Variants in TFEC observed in about 807,000 individuals in gnomAD.
TFEC encodes transcription factor EC.
TFEC carries 31 observed loss-of-function variants against 41.6 expected under a neutral mutation model. The ratio of observed to expected loss-of-function variants is 0.74; its 90% CI spans 0.56 to 1.01. The LOEUF (loss-of-function observed/expected upper bound fraction) is 1.01, where lower values mean the gene tolerates loss of function less well. Ranked by LOEUF, TFEC falls within the 50% of genes least tolerant of loss-of-function variation. The pLI, the probability that TFEC is intolerant of heterozygous loss-of-function variation, is 0.00. For synonymous variants in TFEC, 143 were observed against 140.6 expected, an observed-to-expected ratio of 1.02 and a Z score of -0.12; for missense variants, 402 against 404.1, an observed-to-expected ratio of 0.99 and a Z score of 0.04.
At chr7:115,962,008 CATTT>C (rs1367455339) in intron 3 of TFEC, among the ~76,000 whole-genome samples, 6 of 151,720 alleles carry the variant, frequency 4.0e-5, no homozygotes, top group Non-Finnish European at 8.9e-5. Context: ...TAGCTGAACT[CATTT>C]ATTAGCTCAA....
intron 3 of TFEC, among the ~76,000 whole-genome samples, chr7:116,105,282 T>G (rs1797692100): frequency 6.6e-6 from 1 of 152,198 alleles, no homozygotes. Context: ...GTAGAGAGTT[T>G]GCAAAAGGAC....
intron 3 of TFEC, among the ~76,000 whole-genome samples, chr7:116,064,566 A>G (rs1796648836): frequency 6.6e-6 from 1 of 152,034 alleles, no homozygotes; most frequent in African/African-American, 2.4e-5. Context: ...GGCAAGGGGA[A>G]GGACAGCATT....
intron 1 of TFEC, among the ~76,000 whole-genome samples, chr7:116,004,063 G>C (rs1405041294): frequency 6.6e-6 from 1 of 151,668 alleles, no homozygotes; most frequent in Non-Finnish European, 1.5e-5. Flanking sequence ...TTCCAACTTA[G>C]GAAACAAGAA....
At chr7:116,058,605 A>T (rs1006162570) in intron 3 of TFEC, among the ~76,000 whole-genome samples, 1 of 151,816 alleles carries the variant, frequency 6.6e-6, no homozygotes, top group African/African-American at 2.4e-5. Flanking sequence ...TTTCATGTGC[A>T]CATGGGAAAT....
chr7:115,941,869 T>G, intron 7 of TFEC, 24 bp downstream of exon 7: 1 of 1,612,226 alleles, frequency 6.2e-7, no homozygotes, highest in Non-Finnish European at 8.5e-7. Context: ...GCTATGTGAC[T>G]CATGGCTACA....
chr7:115,993,519 T>C (rs374337136), intron 1 of TFEC, among the ~76,000 whole-genome samples: 2 of 152,084 alleles, frequency 1.3e-5, no homozygotes, highest in East Asian at 1.9e-4. Flanking sequence ...TCTCAGGATA[T>C]AAAATCAATG....
chr7:116,101,760 T>C (rs1797610762), intron 3 of TFEC, among the ~76,000 whole-genome samples: 1 of 152,140 alleles, frequency 6.6e-6, no homozygotes, highest in African/African-American at 2.4e-5. Flanking sequence ...ATCTCAAAAT[T>C]AGAAAATGCT....
At chr7:115,967,857 T>A (rs1426164308) in intron 3 of TFEC, among the ~76,000 whole-genome samples, 2 of 151,822 alleles carry the variant, frequency 1.3e-5, no homozygotes, top group Non-Finnish European at 2.9e-5. Context: ...ATGACCTATT[T>A]AGTAATAAAT....
chr7:116,094,766 T>C (rs1330516677), intron 3 of TFEC, among the ~76,000 whole-genome samples: 1 of 152,174 alleles, frequency 6.6e-6, no homozygotes, highest in Non-Finnish European at 1.5e-5. Flanking sequence ...GTCTTACAGA[T>C]GGTCCAACTT....
chr7:115,956,854 G>A, intron 3 of TFEC, 61 bp from the exon 4 acceptor site: 3 of 979,572 alleles, frequency 3.1e-6, no homozygotes, highest in Non-Finnish European at 4.3e-6. Context: ...GATATATTTA[G>A]TTATATATAT....
chr7:116,101,168 C>G (rs776579134), intron 3 of TFEC, among the ~76,000 whole-genome samples: 1 of 149,944 alleles, frequency 6.7e-6, no homozygotes, highest in Non-Finnish European at 1.5e-5. Flanking sequence ...ACTCCCAACA[C>G]CAATGTCCCC....
chr7:116,083,559 T>C lies in TFEC; in HGVS notation c.198+27149A>G, dbSNP rs138964679. ...AAACTACACAGTCACACACTTGGAG[T>C]GACAAAACTCTTGATGTCTTTACAC... On this transcript the variant is annotated intron_variant, in intron 3 of 8. Coordinates refer to the TFEC transcript ENST00000484212. 4.9e-4 allele frequency among the ~76,000 whole-genome samples: 74 copies of C among 151,980 alleles called. No individual in the cohort carries two copies. The East Asian group carries it at 0.014, about 28-fold the overall frequency.
At chr7:115,971,299 C>G (rs1524471) in intron 3 of TFEC, among the ~76,000 whole-genome samples, 1 of 151,806 alleles carries the variant, frequency 6.6e-6, no homozygotes. Flanking sequence ...CCCGTACTAA[C>G]TGAATGTTTC....
At chr7:116,011,824 A>G (rs568202650) in intron 1 of TFEC, among the ~76,000 whole-genome samples, 2 of 152,130 alleles carry the variant, frequency 1.3e-5, no homozygotes, top group South Asian at 2.1e-4. Context: ...CAACAGAGCT[A>G]GTTGTTTAAA....
At chr7:115,991,695 C>T (rs529055836) in intron 1 of TFEC, among the ~76,000 whole-genome samples, 2 of 152,134 alleles carry the variant, frequency 1.3e-5, no homozygotes, top group African/African-American at 2.4e-5. Flanking sequence ...TATATATGCA[C>T]CCAATACAAG....
chr7:116,008,731 C>A (rs1358417737), intron 1 of TFEC, among the ~76,000 whole-genome samples: 9 of 152,146 alleles, frequency 5.9e-5, no homozygotes. Flanking sequence ...CTCATCTTGA[C>A]TAAAACTTAA....
intron 1 of TFEC, among the ~76,000 whole-genome samples, chr7:116,002,644 T>C (rs938467703): frequency 4.6e-5 from 7 of 152,138 alleles, no homozygotes; most frequent in African/African-American, 1.7e-4. Context: ...CAATAATTTA[T>C]TGTACATTTA....
At chr7:115,986,326 A>C (rs929678230) in intron 1 of TFEC, among the ~76,000 whole-genome samples, 6 of 152,186 alleles carry the variant, frequency 3.9e-5, no homozygotes, top group African/African-American at 1.2e-4. Flanking sequence ...TAGTATCCCT[A>C]TTGCACTATA....
chr7:116,022,773 A>G (rs545129261), intron 1 of TFEC, among the ~76,000 whole-genome samples: 4 of 152,244 alleles, frequency 2.6e-5, no homozygotes, highest in African/African-American at 4.8e-5. Context: ...TATCTTCATA[A>G]TTTATTTAAA....
Sources: gnomAD v4.1 joint callset for allele counts (sites outside exome capture counted in the v4.1 genomes callset) on GRCh38, gnomAD v4.1.1 for gene constraint, MANE v1.5 for transcripts, NCBI Gene and HGNC (gene_info 2026-07-23, HGNC 2026-07-21) for gene names.